Variants in SDK2 observed in about 807,000 individuals in gnomAD.
The protein encoded by SDK2 is protein sidekick-2.
SDK2 carries 105 observed loss-of-function variants against 253.9 expected under a neutral mutation model. The ratio of observed to expected loss-of-function variants is 0.41; its 90% confidence interval spans 0.35 to 0.49. The LOEUF is 0.49. Among genes scored for constraint, SDK2 ranks in the 20% least tolerant of loss-of-function variants. The pLI, the probability that SDK2 is intolerant of heterozygous loss-of-function variation, is 0.06. For synonymous variants in SDK2, 1,249 were observed against 1,234.9 expected (o/e 1.01, Z -0.24); for missense variants, 2,608 against 3,003.0 (o/e 0.87, Z 3.07).
intron 3 of SDK2, among the ~76,000 whole-genome samples, chr17:73,469,171 C>T (rs1039627311): frequency 5.9e-5 from 9 of 152,152 alleles, no homozygotes; most frequent in Admixed American, 5.2e-4. Context: ...TGATGAGCCC[C>T]CAGCCTGCCA....
chr17:73,586,902 G>A (rs2145891470), intron 1 of SDK2, among the ~76,000 whole-genome samples: 1 of 152,332 alleles, frequency 6.6e-6, no homozygotes, highest in South Asian at 2.1e-4. Flanking sequence ...GTTCTTTAGA[G>A]TCAGATCTGA....
intron 6 of SDK2, among the ~76,000 whole-genome samples, chr17:73,439,537 A>G (rs1467236998): frequency 1.6e-4 from 24 of 152,074 alleles, no homozygotes; most frequent in Admixed American, 1.6e-3. Context: ...CCTGGGCAAC[A>G]TAGTGAGACC....
Position 73,462,555 on chromosome 17 carries a change from T to C in SDK2, c.332-6502A>G, listed in dbSNP as rs74253781. 2.7e-3 allele frequency among the ~76,000 whole-genome samples: 406 copies of C among 152,238 alleles called. 8 individuals carry two copies. The East Asian group carries it at 0.047, about 17-fold the overall frequency. On this transcript the variant is annotated intron_variant, in intron 3 of 44. Coordinates refer to ENST00000392650, the MANE Select transcript of SDK2 (RefSeq NM_001144952.2). ...GAATGGTTGTATATGTTTGTATGCA[T>C]GTATGTTTGTATGGTGAGAGGGGTG...
intron 1 of SDK2, among the ~76,000 whole-genome samples, chr17:73,594,132 A>G (rs552484807): frequency 1.3e-5 from 2 of 152,254 alleles, no homozygotes; most frequent in East Asian, 1.9e-4. Context: ...AGGCCTCCCA[A>G]CGTCTGGGAG....
chr17:73,533,593 G>T (rs561577270), intron 1 of SDK2, among the ~76,000 whole-genome samples: 1 of 152,280 alleles, frequency 6.6e-6, no homozygotes, highest in Admixed American at 6.5e-5. Flanking sequence ...CAAGACTCAG[G>T]TTCCAAAACG....
Position 73,423,509 on chromosome 17 carries a change from C to A in SDK2, c.1774G>T (p.Ala592Ser), listed in dbSNP as rs1424155359. ...AGAGTGGCCACTGGGTGCTCGGGCGCGTGGGGCAGTTGCCTGGAAAAGAGA... is the reference window on the plus strand; with the variant it reads ...AGAGTGGCCACTGGGTGCTCGGGCGAGTGGGGCAGTTGCCTGGAAAAGAGA... ...AHLRVRQLPH[A>S]PEHPVATLST... The change falls in exon 14 of 45, where the codon GCG (alanine) becomes TCG (serine). Residue 592 changes from alanine to serine, a missense_variant. Physicochemically the swap from Ala to Ser is moderately conservative, Grantham distance 99. Around this residue, in one of 2 missense-constraint regions of SDK2, gnomAD observed 1,505 missense variants for 1,859.1 expected, o/e 0.81. Coordinates refer to ENST00000392650, the MANE Select transcript of SDK2 (RefSeq NM_001144952.2). 6.4e-7 allele frequency: 1 copy of A among 1,568,410 alleles called. No individual in the cohort carries two copies. The highest frequency in any genetic ancestry group is 8.7e-7 in the Non-Finnish European group (1 of 1,153,882).
At position 73,618,434 on chromosome 17, in the gene SDK2, C is replaced by A. The variant is rs2046087494; in HGVS notation, c.64+25591G>T. On this transcript the variant is annotated intron_variant, in intron 1 of 44. Coordinates refer to ENST00000392650, the MANE Select transcript of SDK2 (RefSeq NM_001144952.2). This position sits in a 1 kb window ranked among gnomAD's most constrained non-coding sequence, Gnocchi z 4.1. ...TCGGCCAAGCCCAAGGGCTATGGAG[C>A]CACAAGGATTCAAGGAAGCATCACT... is the stretch of plus-strand genomic sequence containing the variant. Among the ~76,000 whole-genome samples, 1 of 152,190 alleles carries A rather than the reference C, an allele frequency of 6.6e-6. No individual in the cohort carries two copies. Among genetic ancestry groups the A allele is most frequent in the Non-Finnish European group, 1.5e-5 (1 of 68,034 alleles).
chr17:73,470,122 T>C lies in SDK2; in HGVS notation c.331+1990A>G, dbSNP rs1308426576. 2.6e-5 allele frequency among the ~76,000 whole-genome samples: 4 copies of C among 151,864 alleles called. No individual in the cohort carries two copies. In the East Asian group the frequency reaches 7.8e-4, roughly 29 times the overall value. ...CACATAACCAATACATGTATGTGTATACACTTGCACATACTCAAATGCACA... is the reference window on the plus strand; with the variant it reads ...CACATAACCAATACATGTATGTGTACACACTTGCACATACTCAAATGCACA... On this transcript the variant is annotated intron_variant, in intron 3 of 44. Coordinates refer to ENST00000392650, the MANE Select transcript of SDK2 (RefSeq NM_001144952.2).
chr17:73,400,937 C>T, intron 21 of SDK2, 83 bp downstream of exon 21: 1 of 1,364,066 alleles, frequency 7.3e-7, no homozygotes, highest in Admixed American at 2.2e-5. Context: ...CATGAGCCAC[C>T]ACGCCCAGCC....
intron 1 of SDK2, among the ~76,000 whole-genome samples, chr17:73,627,430 C>A (rs961814886): frequency 1.3e-5 from 2 of 152,198 alleles, no homozygotes; most frequent in Non-Finnish European, 2.9e-5. Flanking sequence ...ACGCCTCCTT[C>A]CATGTGAGTT....
chr17:73,490,437 G>A (rs2063797733), intron 2 of SDK2, among the ~76,000 whole-genome samples: 1 of 151,894 alleles, frequency 6.6e-6, no homozygotes, highest in Admixed American at 6.6e-5. Flanking sequence ...GTGACCTTAG[G>A]CAAGCTGCCT....
intron 1 of SDK2, among the ~76,000 whole-genome samples, chr17:73,586,411 G>C (rs549033137): frequency 2.6e-5 from 4 of 152,218 alleles, no homozygotes; most frequent in African/African-American, 9.6e-5. Context: ...CTGAGACCAA[G>C]AGCGTAAATT....
intron 6 of SDK2, among the ~76,000 whole-genome samples, chr17:73,438,490 G>A (rs1382015515): frequency 6.6e-6 from 1 of 152,180 alleles, no homozygotes; most frequent in African/African-American, 2.4e-5. Context: ...AGCCTGGCTT[G>A]CAGCTCTTTT....
At chr17:73,454,850 C>T (rs1320517385) in intron 4 of SDK2, among the ~76,000 whole-genome samples, 1 of 152,084 alleles carries the variant, frequency 6.6e-6, no homozygotes, top group Non-Finnish European at 1.5e-5. Context: ...ATTACAGGCA[C>T]CTGCCACCAT....
At chr17:73,438,743 G>A (rs907352449) in intron 6 of SDK2, among the ~76,000 whole-genome samples, 11 of 152,142 alleles carry the variant, frequency 7.2e-5, no homozygotes, top group Non-Finnish European at 2.9e-5. Flanking sequence ...GCACCCCCAA[G>A]CCCCCGAGAC....
At position 73,635,132 on chromosome 17, in the gene SDK2, C is replaced by T. The variant is rs1362159450; in HGVS notation, c.64+8893G>A. ...TCTCGAGTAGCTGGAATTACAGGCA[C>T]GTGCTACCATGCCCAGCTCATTTTT... is the stretch of plus-strand genomic sequence containing the variant. On this transcript the variant is annotated intron_variant, in intron 1 of 44. Coordinates refer to ENST00000392650, the MANE Select transcript of SDK2 (RefSeq NM_001144952.2). 6.6e-5 allele frequency among the ~76,000 whole-genome samples: 10 copies of T among 152,134 alleles called. 1 individual carries two copies. Among genetic ancestry groups the T allele is most frequent in the Middle Eastern group, 6.8e-3 (2 of 294 alleles).
chr17:73,638,362 G>A (rs2046357948), intron 1 of SDK2, among the ~76,000 whole-genome samples: 1 of 152,224 alleles, frequency 6.6e-6, no homozygotes, highest in African/African-American at 2.4e-5. Context: ...GTCAATATAT[G>A]TCAGCTGGAG....
intron 29 of SDK2, 49 bp downstream of exon 29, chr17:73,390,238 C>A: frequency 2.1e-6 from 3 of 1,444,664 alleles, no homozygotes; most frequent in South Asian, 1.3e-5. Flanking sequence ...CACTGGCTGG[C>A]CCCCCCTCAG....
chr17:73,379,544 T>C lies in SDK2; in HGVS notation c.4768A>G (p.Asn1590Asp). 1 of 1,609,330 alleles carries C rather than the reference T, an allele frequency of 6.2e-7. No individual in the cohort carries two copies. Among genetic ancestry groups the C allele is most frequent in the Non-Finnish European group, 8.5e-7 (1 of 1,177,138 alleles). ...SLTQYELDNL[N>D]KHRRYEIRMS... ...CGTATCTCGTACCGCCTGTGCTTGT[T>C]CAGGTCTGTGGGGGAGAGTGGGGGA... Residue 1590 changes from asparagine to aspartate, a missense_variant, in exon 35 of 45, where the codon AAC (asparagine) becomes GAC (aspartate). Physicochemically the swap from Asn to Asp is conservative, Grantham distance 23. Transcript: ENST00000392650. The surrounding 1 kb of genome is among the most constrained non-coding windows in gnomAD (Gnocchi z 4.5).
Sources: allele counts gnomAD v4.1 joint callset (sites outside exome capture counted in the v4.1 genomes callset), GRCh38; gene constraint gnomAD v4.1.1; regional missense constraint gnomAD v4.1.1; non-coding constraint Gnocchi (gnomAD v3.1); transcripts MANE v1.5; gene names NCBI Gene and HGNC (gene_info 2026-07-23, HGNC 2026-07-21).